BSN: variants seen among roughly 807,000 people sequenced by gnomAD.
BSN encodes the protein bassoon presynaptic cytomatrix protein.
BSN carries 57 observed loss-of-function variants against 264.8 expected under a neutral mutation model. That is an observed-to-expected ratio of 0.22 (90% CI 0.17 to 0.27). The LOEUF (loss-of-function observed/expected upper bound fraction) is 0.27. Among genes scored for constraint, BSN ranks in the 10% least tolerant of loss-of-function variants. BSN has a pLI of 1.00. For missense variants in BSN, 4,615 were observed against 5,232.5 expected (o/e 0.88, Z 3.64); for synonymous variants, 2,059 against 2,137.3 (o/e 0.96, Z 1.01).
intron 1 of BSN, among the ~76,000 whole-genome samples, chr3:49,611,389 C>T (rs1263324886): frequency 1.3e-5 from 2 of 152,222 alleles, no homozygotes; most frequent in South Asian, 2.1e-4. Flanking sequence ...TGTGATGCTG[C>T]ACAACCCAAA....
chr3:49,604,783 G>C (rs563458996), intron 1 of BSN, among the ~76,000 whole-genome samples: 73 of 151,932 alleles, frequency 4.8e-4, no homozygotes, highest in Admixed American at 2.6e-3. Context: ...CCATTTCCCA[G>C]GCCTCCCACA....
chr3:49,559,944 G>A (rs1437445047), intron 1 of BSN, among the ~76,000 whole-genome samples: 1 of 152,162 alleles, frequency 6.6e-6, no homozygotes, highest in Non-Finnish European at 1.5e-5. Flanking sequence ...CCAGGGTTTG[G>A]GCTAATTGGG....
chr3:49,661,961 C>T lies in BSN; in HGVS notation c.10116C>T (p.Phe3372=), dbSNP rs1263946455. The T allele has an allele frequency of 1.2e-6, 2 of 1,614,030 alleles. No individual in the cohort carries two copies. Among genetic ancestry groups the T allele is most frequent in the South Asian group, 2.2e-5 (2 of 91,084 alleles). ...GCATGGAGCAAAAGATATCCAAGTT[C>T]TCGCCTATTGAAGAGGCCAAAGACG... ...KQGMEQKISK[F]SPIEEAKDVE... is the part of the protein sequence containing the mutation. Residue 3372 remains phenylalanine, a synonymous_variant, in exon 6 of 12, where the codon TTC becomes TTT. Transcript: ENST00000296452.
At chr3:49,588,324 G>A (rs1400030208) in intron 1 of BSN, among the ~76,000 whole-genome samples, 22 of 152,136 alleles carry the variant, frequency 1.4e-4, no homozygotes, top group Admixed American at 1.4e-3. Flanking sequence ...GAATAGCAGT[G>A]ATGACAGTGG....
chr3:49,629,741 C>A (rs530407071), intron 2 of BSN, among the ~76,000 whole-genome samples: 2 of 152,358 alleles, frequency 1.3e-5, no homozygotes, highest in South Asian at 4.1e-4. Context: ...CTGTGGGGAG[C>A]AGCAGGGCTG....
chr3:49,644,023 G>A (rs907551713), intron 3 of BSN, among the ~76,000 whole-genome samples: 3 of 152,166 alleles, frequency 2.0e-5, no homozygotes, highest in African/African-American at 7.2e-5. Flanking sequence ...AGCAGATGCT[G>A]CTTCTGCTCC....
At chr3:49,643,272 C>A (rs2052481028) in intron 3 of BSN, 120 bp downstream of exon 3, 1 of 1,441,842 alleles carries the variant, frequency 6.9e-7, no homozygotes, top group Non-Finnish European at 9.1e-7. Context: ...TGCTCCTGTA[C>A]AACTAATGCT....
Position 49,660,585 on chromosome 3 carries a change from TC to T in BSN, c.8744del (p.Pro2915HisfsTer13). 1 of 1,609,158 alleles carries T rather than the reference TC, an allele frequency of 6.2e-7. No individual in the cohort carries two copies. The highest frequency in any genetic ancestry group is 8.5e-7 in the Non-Finnish European group (1 of 1,177,252). ...EAHLPLAGQASPQLYAASLLQ... is the reference protein window; with the variant it reads ...EAHLPLAGQAXPQLYAASLLQ... ...TCACCTTCCCCTGGCTGGCCAGGCC[TC>T]CCCACAGCTGTATGCAGCCAGCCTG... On this transcript the variant is annotated frameshift_variant, in exon 6 of 12. Transcript: ENST00000296452. LOFTEE classifies it high-confidence loss of function. This position sits in a 1 kb window ranked among gnomAD's most constrained non-coding sequence, Gnocchi z 7.1.
chr3:49,559,298 G>A (rs1026363798), intron 1 of BSN, among the ~76,000 whole-genome samples: 1 of 152,090 alleles, frequency 6.6e-6, no homozygotes, highest in African/African-American at 2.4e-5. Context: ...AGAGGAAATG[G>A]TCTAATGAAC....
At position 49,661,132 on chromosome 3, in the gene BSN, C is replaced by T; in HGVS notation, c.9287C>T (p.Pro3096Leu). ...PSTYPAPAFP[P>L]GASYPAEPGL... ...ACGTACCCAGCTCCTGCCTTTCCTC[C>T]TGGTGCCAGTTACCCAGCTGAGCCT... Residue 3096 changes from proline to leucine, a missense_variant, in exon 6 of 12, where the codon CCT becomes CTT. Pro to Leu is a moderately conservative substitution (Grantham distance 98, BLOSUM62 -3). Transcript: ENST00000296452. 6.2e-7 allele frequency: 1 copy of T among 1,613,028 alleles called. No homozygotes were observed. The highest frequency in any genetic ancestry group is 8.5e-7 in the Non-Finnish European group (1 of 1,179,932).
intron 3 of BSN, among the ~76,000 whole-genome samples, chr3:49,649,922 C>G (rs886829400): frequency 6.6e-6 from 1 of 152,232 alleles, no homozygotes; most frequent in Non-Finnish European, 1.5e-5. Context: ...AGGAACAGTC[C>G]AGAGCCCTGG....
In BSN at chr3:49,657,575, C is replaced by T. The variant is rs140023119; in HGVS notation, c.8019C>T (p.Ser2673=). 34 of 1,612,870 alleles carry T rather than the reference C, an allele frequency of 2.1e-5. No individual in the cohort carries two copies. Among genetic ancestry groups the T allele is most frequent in the African/African-American group, 8.0e-5 (6 of 74,940 alleles). Residue 2673 remains serine, a synonymous_variant, in exon 5 of 12, where the codon TCC becomes TCT. Coordinates refer to ENST00000296452, the MANE Select transcript of BSN (RefSeq NM_003458.4). The part of the protein sequence containing the change: ...SVGIQTISDC[S]VQTEPDQLPR... ...GCATCCAGACCATCAGTGACTGCTC[C>T]GTGCAGACGGAGCCTGACCAGCTGC...
At position 49,652,638 on chromosome 3, in the gene BSN, C is replaced by T. The variant is rs147015088; in HGVS notation, c.3082C>T (p.Arg1028Cys). ...EAKQQRKARH[R>C]SHGPLLPTIE... ...AAAGCAGCAGCGCAAGGCCCGGCAC[C>T]GCTCCCACGGGCCCCTGCTACCCAC... The change falls in exon 5 of 12, where the codon CGC becomes TGC. Residue 1028 changes from arginine (R) to cysteine (C), a missense_variant. This residue lies in a region of BSN where 1,197 missense variants were observed against 1,348.0 expected (regional missense o/e 0.89). Coordinates refer to ENST00000296452, the MANE Select transcript of BSN (RefSeq NM_003458.4). 1.6e-5 allele frequency: 25 copies of T among 1,610,240 alleles called. No homozygotes were observed. Among genetic ancestry groups the T allele is most frequent in the East Asian group, 4.5e-5 (2 of 44,848 alleles).
chr3:49,650,467 G>A (rs2052531966), intron 3 of BSN, 145 bp from the exon 4 acceptor site: 3 of 752,402 alleles, frequency 4.0e-6, no homozygotes, highest in East Asian at 5.6e-5. Flanking sequence ...CAGTAAATTG[G>A]TCAGTCTTTT....
At chr3:49,650,473 CT>C (rs2052532074) in intron 3 of BSN, 138 bp from the exon 4 acceptor site, 2 of 820,122 alleles carry the variant, frequency 2.4e-6, no homozygotes, top group East Asian at 5.4e-5. Flanking sequence ...ATTGGTCAGT[CT>C]TTTTCTCCTT....
chr3:49,619,972 C>G (rs1236521437), intron 1 of BSN, among the ~76,000 whole-genome samples: 2 of 54,258 alleles, frequency 3.7e-5, no homozygotes, highest in African/African-American at 9.4e-5. Flanking sequence ...GGAGACTGTG[C>G]CCACACAGAA....
intron 1 of BSN, among the ~76,000 whole-genome samples, chr3:49,571,493 A>G (rs1403386044): frequency 6.6e-6 from 1 of 152,018 alleles, no homozygotes; most frequent in Non-Finnish European, 1.5e-5. Context: ...AGCTTCAAGT[A>G]GCTTTGGGGT....
chr3:49,617,304 T>TATATATATAC (rs2052268153), intron 1 of BSN, among the ~76,000 whole-genome samples: 1 of 72,670 alleles, frequency 1.4e-5, no homozygotes, highest in Non-Finnish European at 3.0e-5. Flanking sequence ...TATATATATA[T>TATATATATAC]ATATATATAT....
intron 1 of BSN, among the ~76,000 whole-genome samples, chr3:49,563,941 C>T (rs375471396): frequency 2.0e-5 from 3 of 152,266 alleles, no homozygotes; most frequent in Admixed American, 1.3e-4. Context: ...TCTCCAGCAC[C>T]GCTGACTTAT....
Sources: gnomAD v4.1 joint callset for allele counts (sites outside exome capture counted in the v4.1 genomes callset) on GRCh38, gnomAD v4.1.1 for gene constraint, gnomAD v4.1.1 regional missense constraint, Gnocchi (gnomAD v3.1) non-coding constraint, MANE v1.5 for transcripts, NCBI Gene and HGNC (gene_info 2026-07-23, HGNC 2026-07-21) for gene names.